WDR62: variants seen among roughly 807,000 people sequenced by gnomAD.
The protein encoded by WDR62 is WD repeat domain 62.
Under a neutral mutation model 160.6 loss-of-function variants are expected in WDR62, and 112 were observed. The observed-to-expected ratio is 0.70, with a 90% CI of 0.60 to 0.82. The LOEUF is 0.82. Ranked by LOEUF, WDR62 falls within the 40% of genes least tolerant of loss-of-function variation. The pLI, the probability that WDR62 is intolerant of heterozygous loss-of-function variation, is 0.00. For missense variants in WDR62, 1,819 were observed against 1,983.8 expected (o/e 0.92, Z 1.58); for synonymous variants, 792 against 815.1 (o/e 0.97, Z 0.48).
Position 36,099,462 on chromosome 19 carries a change from G to A in WDR62, c.2584G>A (p.Gly862Ser), listed in dbSNP as rs587784548. Residue 862 changes from glycine (G) to serine (S), a missense_variant, in exon 22 of 32, where the codon GGC becomes AGC. Gly to Ser is a moderately conservative substitution (Grantham distance 56). Transcript: ENST00000401500. ...FHAKRSYQPH[G>S]RWAERAGQEP... is the part of the protein sequence containing the mutation. ...CGCCAAGCGCAGCTACCAGCCCCAC[G>A]GCCGCTGGGCAGAGCGGGCCGGCCA... is the stretch of plus-strand genomic sequence containing the variant. The A allele has an allele frequency of 2.5e-6, 4 of 1,613,778 alleles. No homozygotes were observed. Among genetic ancestry groups the A allele is most frequent in the Non-Finnish European group, 3.4e-6 (4 of 1,180,034 alleles).
chr19:36,095,526 G>T (rs1318237854), intron 20 of WDR62, among the ~76,000 whole-genome samples: 3 of 152,238 alleles, frequency 2.0e-5, no homozygotes, highest in African/African-American at 7.2e-5. Context: ...GGGTGTGGTA[G>T]CTCACGCCTG....
At chr19:36,059,142 G>A (rs1349687849) in intron 2 of WDR62, 2 of 599,478 alleles carry the variant, frequency 3.3e-6, no homozygotes, top group Non-Finnish European at 6.4e-6. Flanking sequence ...TAAAGTCCAC[G>A]CTGTGGTGTC....
Position 36,099,553 on chromosome 19 carries a change from A to G in WDR62, c.2675A>G (p.Glu892Gly), listed in dbSNP as rs1973197701. 1.2e-6 allele frequency: 2 copies of G among 1,614,198 alleles called. No homozygotes were observed. Among genetic ancestry groups the G allele is most frequent in the African/African-American group, 2.7e-5 (2 of 75,054 alleles). Residue 892 changes from glutamate (E) to glycine (G), a missense_variant, in exon 22 of 32, where the codon GAG becomes GGG. Physicochemically the swap from Glu to Gly is moderately conservative, Grantham distance 98. This residue lies in a region of WDR62 where 934 missense variants were observed against 1,157.2 expected (regional missense o/e 0.81). Transcript: ENST00000401500. ...LDCYFTPMKP[E>G]SLENSILDSL... Reference sequence around the variant, plus strand: ...TGCTACTTTACCCCCATGAAGCCCGAGAGTCTGGAGAACTCCATTCTGGAT... The same window carrying G: ...TGCTACTTTACCCCCATGAAGCCCGGGAGTCTGGAGAACTCCATTCTGGAT...
intron 9 of WDR62, among the ~76,000 whole-genome samples, chr19:36,079,719 G>A (rs1409108039): frequency 6.6e-6 from 1 of 152,110 alleles, no homozygotes; most frequent in Admixed American, 6.6e-5. Flanking sequence ...CCTGTTGCTG[G>A]GTCTGTCAGA....
In WDR62 at chr19:36,102,766, G is replaced by C. The variant is rs1287480501; in HGVS notation, c.3250G>C (p.Glu1084Gln). 1.2e-6 allele frequency: 2 copies of C among 1,614,238 alleles called. No individual in the cohort carries two copies. Among genetic ancestry groups the C allele is most frequent in the South Asian group, 2.2e-5 (2 of 91,086 alleles). Reference sequence around the variant, plus strand: ...CTTCCCCGCAGCTCTGGGAGACGTGGAGGCCTCTGAAGCTGAAGACCACTT... The same window carrying C: ...CTTCCCCGCAGCTCTGGGAGACGTGCAGGCCTCTGAAGCTGAAGACCACTT... ...ELFPAALGDV[E>Q]ASEAEDHFFN... Residue 1084 changes from glutamate (E) to glutamine (Q), a missense_variant, in exon 27 of 32, where the codon GAG becomes CAG. This residue lies in a region of WDR62 where 770 missense variants were observed against 734.2 expected (regional missense o/e 1.05). Transcript: ENST00000401500.
At chr19:36,099,969 G>A (rs1385695035) in intron 22 of WDR62, among the ~76,000 whole-genome samples, 1 of 152,154 alleles carries the variant, frequency 6.6e-6, no homozygotes, top group East Asian at 1.9e-4. Context: ...GTCATAATGG[G>A]GTCAGGGGCA....
At chr19:36,091,518 C>T (rs1254439800) in intron 18 of WDR62, 53 bp downstream of exon 18, 2 of 1,540,802 alleles carry the variant, frequency 1.3e-6, no homozygotes, top group Admixed American at 1.7e-5. Flanking sequence ...GAGCACTGCA[C>T]TCAGCCTGCC....
intron 11 of WDR62, among the ~76,000 whole-genome samples, chr19:36,083,625 C>G (rs936683784): frequency 2.6e-5 from 4 of 152,104 alleles, no homozygotes; most frequent in Admixed American, 1.3e-4. Context: ...GGTGGGATAG[C>G]TGAGAGTTCA....
At chr19:36,101,017 C>G in intron 23 of WDR62, 142 bp downstream of exon 23, 1 of 1,415,604 alleles carries the variant, frequency 7.1e-7, no homozygotes, top group East Asian at 2.3e-5. Context: ...GGAGCCCAGC[C>G]TTAGTTCCCT....
intron 15 of WDR62, among the ~76,000 whole-genome samples, chr19:36,090,055 G>C (rs756047069): frequency 6.6e-6 from 1 of 152,092 alleles, no homozygotes; most frequent in Non-Finnish European, 1.5e-5. Flanking sequence ...GCCCTGTGGA[G>C]ACACCTGACC....
Position 36,054,941 on chromosome 19 carries a change from G to T in WDR62, c.-31G>T, listed in dbSNP as rs914635637. ...GCGGTGGCGGCAGCGGCGGTTAGGGGATGTAACGGTCGCCCGCCTCCGGCG... is the reference window on the plus strand; with the variant it reads ...GCGGTGGCGGCAGCGGCGGTTAGGGTATGTAACGGTCGCCCGCCTCCGGCG... On this transcript the variant is annotated 5_prime_UTR_variant, in exon 1 of 32. Transcript: ENST00000401500. 9.0e-6 allele frequency: 14 copies of T among 1,561,902 alleles called. No individual in the cohort carries two copies. The highest frequency in any genetic ancestry group is 1.2e-5 in the Non-Finnish European group (14 of 1,154,914).
chr19:36,098,514 G>A (rs576318088), intron 21 of WDR62, among the ~76,000 whole-genome samples: 4 of 147,530 alleles, frequency 2.7e-5, no homozygotes, highest in South Asian at 4.3e-4. Context: ...ACAGTGAACC[G>A]AAATCATGCC....
Position 36,073,422 on chromosome 19 carries a change from C to T in WDR62, c.1124C>T (p.Ser375Phe), listed in dbSNP as rs775055097. Residue 375 changes from serine (S) to phenylalanine (F), a missense_variant, in exon 9 of 32, where the codon TCC becomes TTC. This residue lies in a region of WDR62 where 934 missense variants were observed against 1,157.2 expected (regional missense o/e 0.81). Transcript: ENST00000401500. ...LTFDPIHQWL[S>F]CVYKDHSIYI... is the part of the protein sequence containing the mutation. ...TTCGACCCCATCCACCAGTGGCTGT[C>T]CTGCGTGTATAAGGACCACAGCATC... 1 of 1,614,132 alleles carries T rather than the reference C, an allele frequency of 6.2e-7. No homozygotes were observed. Among genetic ancestry groups the T allele is most frequent in the Admixed American group, 1.7e-5 (1 of 60,026 alleles).
chr19:36,090,067 C>T (rs1972496345), intron 15 of WDR62, among the ~76,000 whole-genome samples: 1 of 152,160 alleles, frequency 6.6e-6, no homozygotes, highest in South Asian at 2.1e-4. Flanking sequence ...CACCTGACCC[C>T]ACCTGCGGAT....
At chr19:36,106,139 G>A (rs1054863429), downstream of WDR62, among the ~76,000 whole-genome samples, 7 of 152,174 alleles carry the variant, frequency 4.6e-5, no homozygotes, top group African/African-American at 1.4e-4. Flanking sequence ...TACATTCCAC[G>A]AGCTCCCAGC....
At position 36,092,780 on chromosome 19, in the gene WDR62, AC is replaced by A; in HGVS notation, c.2303del (p.Thr768LysfsTer25). ...EIDHRQQQQH[T>X]NDKKRSGHPR... ...TGACCACCGGCAGCAGCAGCAGCAC[AC>A]AAATGACAAGAAGCGGAGTGGCCAC... On this transcript the variant is annotated frameshift_variant, in exon 19 of 32. Coordinates refer to ENST00000401500, the MANE Select transcript of WDR62 (RefSeq NM_001083961.2). LOFTEE classifies it high-confidence loss of function. 1.9e-6 allele frequency: 3 copies of A among 1,614,122 alleles called. No homozygotes were observed. The highest frequency in any genetic ancestry group is 2.5e-6 in the Non-Finnish European group (3 of 1,179,996).
At chr19:36,069,984 C>T (rs1324618750) in intron 7 of WDR62, among the ~76,000 whole-genome samples, 4 of 149,030 alleles carry the variant, frequency 2.7e-5, no homozygotes, top group African/African-American at 7.4e-5. Flanking sequence ...AGAGGGAGAC[C>T]GTGGAAAGAG....
In WDR62 at chr19:36,084,169, G is replaced by A. The variant is rs139502259; in HGVS notation, c.1551-484G>A. Among the ~76,000 whole-genome samples, 265 of 152,214 alleles carry A rather than the reference G, an allele frequency of 1.7e-3. 2 individuals carry two copies. Among genetic ancestry groups the A allele is most frequent in the African/African-American group, 5.5e-3 (230 of 41,520 alleles). On this transcript the variant is annotated intron_variant, in intron 11 of 31. Transcript: ENST00000401500. Reference sequence around the variant, plus strand: ...CAAGGTGTCTGGAGTAAGATCACACGGGTAGAATGAAGAAGCTGGGATGAC... The same window carrying A: ...CAAGGTGTCTGGAGTAAGATCACACAGGTAGAATGAAGAAGCTGGGATGAC...
chr19:36,055,200 C>T, intron 1 of WDR62, 52 bp downstream of exon 1: 3 of 1,556,670 alleles, frequency 1.9e-6, no homozygotes, highest in African/African-American at 1.4e-5. Context: ...CTAGGTTTCC[C>T]CTAGTCCCGT....
Sources: gnomAD v4.1 joint callset for allele counts (sites outside exome capture counted in the v4.1 genomes callset) on GRCh38, gnomAD v4.1.1 for gene constraint, gnomAD v4.1.1 regional missense constraint, MANE v1.5 for transcripts, NCBI Gene and HGNC (gene_info 2026-07-23, HGNC 2026-07-21) for gene names.